FHOD1: variants seen among roughly 807,000 people sequenced by gnomAD.
FHOD1 encodes FH1/FH2 domain-containing protein 1.
FHOD1 carries 89 observed loss-of-function variants against 111.6 expected under a neutral mutation model. The ratio of observed to expected loss-of-function variants is 0.80; its 90% CI spans 0.67 to 0.95. FHOD1 has a LOEUF of 0.95. FHOD1 is among the 40% of genes least tolerant of loss of function. The pLI, the probability that FHOD1 is intolerant of heterozygous loss-of-function variation, is 0.00. For missense variants in FHOD1, 1,446 were observed against 1,554.2 expected (o/e 0.93, Z 1.17); for synonymous variants, 618 against 639.0 (o/e 0.97, Z 0.50).
chr16:67,235,949 T>C (rs2034459282), intron 11 of FHOD1: 1 of 784,036 alleles, frequency 1.3e-6, no homozygotes, highest in Non-Finnish European at 1.5e-6. Flanking sequence ...GTGAAACCCC[T>C]GCTGGGGGAA....
chr16:67,246,876 C>A, intron 1 of FHOD1: 1 of 307,856 alleles, frequency 3.2e-6, no homozygotes. Flanking sequence ...CCTCCAGGGT[C>A]CGCTACAGCC....
rs2034248702 is a variant in FHOD1 at position 67,231,080 on chromosome 16, C to G, written c.2667+108G>C. ...ATAGCTCACACCCAGGTGGCTGGAG[C>G]AAGCCCTGGCACAGCAGCCCAAATG... On this transcript the variant is annotated intron_variant, in intron 17 of 21. Coordinates refer to ENST00000258201, the MANE Select transcript of FHOD1 (RefSeq NM_013241.3). This position sits in a 1 kb window ranked among gnomAD's most constrained non-coding sequence, Gnocchi z 4.3. 9.8e-6 allele frequency: 14 copies of G among 1,429,152 alleles called. No individual in the cohort carries two copies. The highest frequency in any genetic ancestry group is 1.2e-5 in the Non-Finnish European group (13 of 1,048,318). 88.5% of individuals were successfully genotyped at this position (1,429,152 alleles called of 1,614,324 possible).
Position 67,237,464 on chromosome 16 carries a change from C to T in FHOD1, c.849+11G>A, listed in dbSNP as rs1395506536. The T allele has an allele frequency of 6.2e-7, 1 of 1,614,066 alleles. No individual in the cohort carries two copies. The highest frequency in any genetic ancestry group is 1.3e-5 in the African/African-American group (1 of 74,932). ...AGCATCCCAGAGCTGGCACCCAGTC[C>T]TTGGCCACACCTTGTTGATGAGGGT... is the stretch of plus-strand genomic sequence containing the variant. On this transcript the variant is annotated intron_variant, in intron 8 of 21. Coordinates refer to ENST00000258201, the MANE Select transcript of FHOD1 (RefSeq NM_013241.3). The surrounding 1 kb of genome is among the most constrained non-coding windows in gnomAD (Gnocchi z 5.6).
chr16:67,236,449 A>G, intron 11 of FHOD1, 108 bp downstream of exon 11: 6 of 1,518,554 alleles, frequency 4.0e-6, no homozygotes, highest in Non-Finnish European at 5.3e-6. Flanking sequence ...AAAGAGAGAG[A>G]GAGAAAGCAC....
Position 67,229,436 on chromosome 16 carries a change from TCACACACATGCACATGCATATGCATG to T in FHOD1, c.*174_*199del, listed in dbSNP as rs2034154121. 1.6e-6 allele frequency: 1 copy of T among 611,618 alleles called. No homozygotes were observed. The highest frequency in any genetic ancestry group is 2.9e-6 in the Non-Finnish European group (1 of 341,410). 37.9% of individuals were successfully genotyped at this position (611,618 alleles called of 1,614,324 possible). The stretch of plus-strand genomic sequence containing the variant: ...ATTTTGCTCCGTGCGTTCAAGGAGC[TCACACACATGCACATGCATATGCATG>T]CACACACACACATACACACACACTC... On this transcript the variant is annotated 3_prime_UTR_variant, in exon 22 of 22. Coordinates refer to ENST00000258201, the MANE Select transcript of FHOD1 (RefSeq NM_013241.3).
chr16:67,235,785 C>G (rs756745573), intron 11 of FHOD1, among the ~76,000 whole-genome samples: 3 of 152,200 alleles, frequency 2.0e-5, no homozygotes, highest in Non-Finnish European at 4.4e-5. Flanking sequence ...TGTCCACATC[C>G]CCATCTCTGG....
At position 67,230,300 on chromosome 16, in the gene FHOD1, G is replaced by C; in HGVS notation, c.3051+14C>G. 1 of 1,614,052 alleles carries C rather than the reference G, an allele frequency of 6.2e-7. No individual in the cohort carries two copies. Among genetic ancestry groups the C allele is most frequent in the Non-Finnish European group, 8.5e-7 (1 of 1,179,878 alleles). ...GAGGTGGCAGTCAAGACTAAGACCTGGAAGGGCACCCACCTCGGTGATCAT... is the reference window on the plus strand; with the variant it reads ...GAGGTGGCAGTCAAGACTAAGACCTCGAAGGGCACCCACCTCGGTGATCAT... On this transcript the variant is annotated intron_variant, in intron 19 of 21. Transcript: ENST00000258201.
rs200521596 is a variant in FHOD1 at position 67,231,433 on chromosome 16, G to C, written c.2502C>G (p.Ser834=). ...LLAVGNFLNG[S]QSSGFELSYL... Reference sequence around the variant, plus strand: ...GTCCCCATGTACTCTCACTCACCTGGGAGCCATTGAGGAAGTTGCCCACCG... The same window carrying C: ...GTCCCCATGTACTCTCACTCACCTGCGAGCCATTGAGGAAGTTGCCCACCG... The change falls in exon 16 of 22, where the codon TCC becomes TCG. Residue 834 remains serine (S), a synonymous_variant. Coordinates refer to ENST00000258201, the MANE Select transcript of FHOD1 (RefSeq NM_013241.3). The surrounding 1 kb of genome is among the most constrained non-coding windows in gnomAD (Gnocchi z 4.3). 6.2e-6 allele frequency: 10 copies of C among 1,614,008 alleles called. No homozygotes were observed. In the African/African-American group the frequency reaches 1.1e-4, roughly 17 times the overall value.
chr16:67,231,499 T>TACC lies in FHOD1; in HGVS notation c.2433_2435dup (p.Val812dup), dbSNP rs1195337441. 2 of 1,614,056 alleles carry TACC rather than the reference T, an allele frequency of 1.2e-6. No individual in the cohort carries two copies. Among genetic ancestry groups the TACC allele is most frequent in the African/African-American group, 2.7e-5 (2 of 74,906 alleles). ...GGATGCAGCGGAAGGTGGCATTCTGTACCAGCTGTTCCATACCCACTTTCA... is the reference window on the plus strand; with the variant it reads ...GGATGCAGCGGAAGGTGGCATTCTGTACCACCAGCTGTTCCATACCCACTTTCA... On this transcript the variant is annotated inframe_insertion, in exon 16 of 22. Coordinates refer to ENST00000258201, the MANE Select transcript of FHOD1 (RefSeq NM_013241.3). This position sits in a 1 kb window ranked among gnomAD's most constrained non-coding sequence, Gnocchi z 4.3.
rs2034184322 is a variant in FHOD1 at position 67,229,942 on chromosome 16, G to A, written c.3263C>T (p.Thr1088Ile). The A allele has an allele frequency of 2.5e-6, 4 of 1,614,240 alleles. No homozygotes were observed. The highest frequency in any genetic ancestry group is 3.4e-6 in the Non-Finnish European group (4 of 1,180,052). Residue 1088 changes from threonine to isoleucine, a missense_variant, in exon 21 of 22, where the codon ACT (threonine) becomes ATT (isoleucine). This residue lies in a region of FHOD1 where 1,085 missense variants were observed against 1,108.8 expected (regional missense o/e 0.98). Coordinates refer to ENST00000258201, the MANE Select transcript of FHOD1 (RefSeq NM_013241.3). ...SPIMPTVGPSTASPEEPPGSS... is the reference protein window; with the variant it reads ...SPIMPTVGPSIASPEEPPGSS... ...GCCTGGGGGTTCTTCTGGGGATGCA[G>A]TGGAGGGCCCCACTGTGGGCATGAT...
At position 67,237,031 on chromosome 16, in the gene FHOD1, C is replaced by G; in HGVS notation, c.1077G>C (p.Glu359Asp). ...GAGAACGGCGGCTCCTCTTGCCCTC[C>G]TCAGAAGAAGGCTTTCGTCGTTCCC... ...GRRERRKPSS[E>D]EGKRSRRSLE... is the part of the protein sequence containing the mutation. Residue 359 changes from glutamate to aspartate, a missense_variant, in exon 10 of 22, where the codon GAG becomes GAC. Glu to Asp is a conservative substitution (Grantham distance 45). Transcript: ENST00000258201. The surrounding 1 kb of genome is among the most constrained non-coding windows in gnomAD (Gnocchi z 5.6). 6.2e-7 allele frequency: 1 copy of G among 1,613,162 alleles called. No homozygotes were observed. The highest frequency in any genetic ancestry group is 8.5e-7 in the Non-Finnish European group (1 of 1,179,762).
In FHOD1 at chr16:67,234,177, C is replaced by T. The variant is rs771435032; in HGVS notation, c.1526G>A (p.Arg509Gln). 23 of 1,551,968 alleles carry T rather than the reference C, an allele frequency of 1.5e-5. No homozygotes were observed. The South Asian group carries it at 2.1e-4, about 14-fold the overall frequency. ...PAPCVLLRAQ[R>Q]SLAPEPKEPL... ...CTCCTTGGGCTCTGGTGCAAGGCTT[C>T]GCTGGGCCCGGAGCAGGACACAGGG... Residue 509 changes from arginine to glutamine, a missense_variant, in exon 13 of 22, where the codon CGA (arginine) becomes CAA (glutamine). Arg to Gln is a conservative substitution (Grantham distance 43). Transcript: ENST00000258201.
At chr16:67,236,392 C>G (rs1169505384) in intron 11 of FHOD1, 165 bp downstream of exon 11, 1 of 1,457,178 alleles carries the variant, frequency 6.9e-7, no homozygotes. Context: ...CCGAACCCCA[C>G]CCGCTGGCAG....
chr16:67,247,015 C>T (rs1370582571), intron 1 of FHOD1, 195 bp downstream of exon 1: 7 of 612,050 alleles, frequency 1.1e-5, no homozygotes, highest in Admixed American at 3.5e-5. Flanking sequence ...TTCCTGGCAC[C>T]CCTCTTCAGT....
chr16:67,233,828 C>T lies in FHOD1; in HGVS notation c.1875G>A (p.Lys625=), dbSNP rs551194256. 3.1e-6 allele frequency: 5 copies of T among 1,612,904 alleles called. No homozygotes were observed. The African/African-American group carries it at 6.7e-5, about 22-fold the overall frequency. The change falls in exon 13 of 22, where the codon AAG becomes AAA. Residue 625 remains lysine, a synonymous_variant. Transcript: ENST00000258201. ...PDSSALPTKR[K]TVKLFWRELK... ...GCTCACGCCAGAAAAGTTTTACTGT[C>T]TTCCTCTTAGTGGGGAGGGCTGAGC...
At chr16:67,235,937 A>G (rs908008460) in intron 11 of FHOD1, 13 of 643,718 alleles carry the variant, frequency 2.0e-5, no homozygotes, top group South Asian at 6.9e-5. Context: ...TGCATCAGGC[A>G]CGTGAAACCC....
chr16:67,231,310 C>CT lies in FHOD1; in HGVS notation c.2544dup (p.Glu849ArgfsTer25), dbSNP rs2034260635. 2.5e-6 allele frequency: 4 copies of CT among 1,614,064 alleles called. No individual in the cohort carries two copies. Among genetic ancestry groups the CT allele is most frequent in the African/African-American group, 1.3e-5 (1 of 74,930 alleles). On this transcript the variant is annotated frameshift_variant, in exon 17 of 22. Transcript: ENST00000258201. LOFTEE classifies it high-confidence loss of function. The surrounding 1 kb of genome is among the most constrained non-coding windows in gnomAD (Gnocchi z 4.3). ...TGTCGACGCACCGTGTCCTTCACCT[C>CT]TGACACCTTCTCCAGGTAGCTCAGC... is the stretch of plus-strand genomic sequence containing the variant.
Position 67,229,692 on chromosome 16 carries a change from C to A in FHOD1, c.3439G>T (p.Gly1147Ter), listed in dbSNP as rs376778624. ...SLRRTLKSGL[G>*]DDLVQALGLS... ...CCCAGTGCCTGCACCAGGTCATCTC[C>A]GAGCCCACTCTTCAACGTCCTTCTC... Residue 1147 changes from glycine to a stop codon, truncating the protein, a stop_gained, in exon 22 of 22, where the codon GGA becomes TGA. Coordinates refer to ENST00000258201, the MANE Select transcript of FHOD1 (RefSeq NM_013241.3). LOFTEE classifies it high-confidence loss of function. The A allele has an allele frequency of 6.2e-7, 1 of 1,614,186 alleles. No homozygotes were observed.
In FHOD1 at chr16:67,234,353, T is replaced by C. The variant is rs774359056; in HGVS notation, c.1435+4A>G. On this transcript the variant is annotated splice_donor_region_variant and intron_variant, in intron 12 of 21. Coordinates refer to ENST00000258201, the MANE Select transcript of FHOD1 (RefSeq NM_013241.3). ...AGGCTCTGCCTGCTCACCCACCTAC[T>C]CACCTGGGTGTCCACCCGCCTCATT... 1 of 1,608,768 alleles carries C rather than the reference T, an allele frequency of 6.2e-7. No individual in the cohort carries two copies.
Sources: allele counts gnomAD v4.1 joint callset (sites outside exome capture counted in the v4.1 genomes callset), GRCh38; gene constraint gnomAD v4.1.1; regional missense constraint gnomAD v4.1.1; non-coding constraint Gnocchi (gnomAD v3.1); transcripts MANE v1.5; gene names NCBI Gene and HGNC (gene_info 2026-07-23, HGNC 2026-07-21).